INTU: variants seen among roughly 807,000 people sequenced by gnomAD.
INTU encodes inturned planar cell polarity protein.
In INTU, 68 loss-of-function variants were observed where a neutral mutation model predicts 100.5. That is an observed-to-expected ratio of 0.68 (90% CI 0.56 to 0.83). The LOEUF (loss-of-function observed/expected upper bound fraction) is 0.83. Among genes scored for constraint, INTU ranks in the 40% least tolerant of loss-of-function variants. The pLI, the probability that INTU is intolerant of heterozygous loss-of-function variation, is 0.00. For synonymous variants in INTU, 357 were observed against 395.7 expected (o/e 0.90, Z 1.16); for missense variants, 1,071 against 1,114.7 (o/e 0.96, Z 0.56).
At chr4:127,646,871 A>G (rs2126181686) in intron 2 of INTU, among the ~76,000 whole-genome samples, 1 of 152,356 alleles carries the variant, frequency 6.6e-6, no homozygotes, top group East Asian at 1.9e-4. Context: ...ATTGGCAGAA[A>G]ACATTGAGTT....
In INTU at chr4:127,633,184, A is replaced by C; in HGVS notation, c.146+4A>C. ...CCTCAGCGAGTAGCGATTATGAGTA[A>C]GGTTTTCAAAGAGGGACAATTAATC... On this transcript the variant is annotated splice_donor_region_variant and intron_variant, in intron 1 of 15. Transcript: ENST00000335251. 6.2e-7 allele frequency: 1 copy of C among 1,611,880 alleles called. No homozygotes were observed.
chr4:127,696,655 C>T (rs184291005), intron 8 of INTU, among the ~76,000 whole-genome samples: 93 of 151,480 alleles, frequency 6.1e-4, no homozygotes, highest in African/African-American at 1.9e-3. Context: ...TTTTTCTCTA[C>T]GGCTTTCCTA....
intron 2 of INTU, among the ~76,000 whole-genome samples, chr4:127,645,810 C>CGCCT (rs1184432512): frequency 6.6e-6 from 1 of 151,984 alleles, no homozygotes; most frequent in Non-Finnish European, 1.5e-5. Context: ...GTGATCCACC[C>CGCCT]GCCTCAGCCT....
chr4:127,698,173 C>G (rs1488915824), intron 8 of INTU, among the ~76,000 whole-genome samples: 1 of 151,928 alleles, frequency 6.6e-6, no homozygotes, highest in Non-Finnish European at 1.5e-5. Flanking sequence ...TGGCTCACAC[C>G]TGTAATCCCA....
intron 6 of INTU, chr4:127,683,853 TA>T (rs1288040424): frequency 6.6e-6 from 1 of 152,176 alleles, no homozygotes; most frequent in Non-Finnish European, 1.5e-5. Flanking sequence ...ATAATGGGAA[TA>T]ATAAGAGCTA....
rs1459045799 is a variant in INTU, at chr4:127,726,428, G to T, written c.*9992G>T. 1 of 152,122 alleles carries T rather than the reference G, an allele frequency of 6.6e-6. No homozygotes were observed. The highest frequency in any genetic ancestry group is 1.5e-5 in the Non-Finnish European group (1 of 68,020). The allele number at this position is 152,122 out of a possible 1,614,324, so 9.4% of individuals were successfully genotyped here. ...TGCTATAAAAGTGTTAGCTACTACT[G>T]CTACCATTTATTATTATCATTATTA... On this transcript the variant is annotated 3_prime_UTR_variant, in exon 16 of 16. Transcript: ENST00000335251.
At chr4:127,647,616 A>C (rs1214123728) in intron 2 of INTU, among the ~76,000 whole-genome samples, 1 of 152,180 alleles carries the variant, frequency 6.6e-6, no homozygotes, top group African/African-American at 2.4e-5. Context: ...AGGGATTGAA[A>C]CATAGACATC....
At chr4:127,640,596 T>TATATATATATATAC (rs1560825830) in intron 1 of INTU, among the ~76,000 whole-genome samples, 2 of 39,864 alleles carry the variant, frequency 5.0e-5, no homozygotes, top group Non-Finnish European at 1.4e-4. Flanking sequence ...TATATACATA[T>TATATATATATATAC]ACATAAACAC....
chr4:127,693,108 A>T (rs1730225417), intron 8 of INTU, among the ~76,000 whole-genome samples: 1 of 151,910 alleles, frequency 6.6e-6, no homozygotes, highest in South Asian at 2.1e-4. Context: ...TTTTCTAGTT[A>T]TGTGAAGAAT....
intron 8 of INTU, among the ~76,000 whole-genome samples, chr4:127,697,096 G>T (rs944123202): frequency 5.3e-5 from 8 of 152,136 alleles, no homozygotes; most frequent in Admixed American, 5.2e-4. Context: ...GTAGTTACGT[G>T]AACTTAATCA....
intron 15 of INTU, among the ~76,000 whole-genome samples, chr4:127,714,708 ATTG>A: frequency 6.6e-6 from 1 of 152,056 alleles, no homozygotes; most frequent in South Asian, 2.1e-4. Flanking sequence ...TGACTCTTTT[ATTG>A]TTTATTTTCT....
intron 12 of INTU, 75 bp downstream of exon 12, chr4:127,707,044 A>T (rs765582502): frequency 4.9e-5 from 72 of 1,472,310 alleles, no homozygotes; most frequent in Non-Finnish European, 6.3e-5. Flanking sequence ...ATTGCAAGAC[A>T]TTTTTTTAGT....
At chr4:127,710,290 A>G (rs1731045821) in intron 13 of INTU, among the ~76,000 whole-genome samples, 2 of 152,204 alleles carry the variant, frequency 1.3e-5, no homozygotes, top group African/African-American at 4.8e-5. Context: ...GATATAAAAC[A>G]GGATGTAATA....
At position 127,713,965 on chromosome 4, in the gene INTU, T is replaced by G. The variant is rs776133619; in HGVS notation, c.2589T>G (p.His863Gln). Residue 863 changes from histidine to glutamine, a missense_variant, in exon 15 of 16, where the codon CAT becomes CAG. Transcript: ENST00000335251. ...AGAAAGGACTAAATAGTGGAGACCA[T>G]TCAGATTCTGCAAAGTCAGTGTCTT... The part of the protein sequence containing the change: ...EKKKGLNSGD[H>Q]SDSAKSVSSL... 1 of 1,611,582 alleles carries G rather than the reference T, an allele frequency of 6.2e-7. No homozygotes were observed. Among genetic ancestry groups the G allele is most frequent in the Non-Finnish European group, 8.5e-7 (1 of 1,178,092 alleles).
intron 14 of INTU, among the ~76,000 whole-genome samples, chr4:127,712,984 T>G (rs1731146763): frequency 1.3e-5 from 2 of 151,936 alleles, no homozygotes; most frequent in African/African-American, 4.8e-5. Context: ...GCTGGGAGAG[T>G]ACTGGAGCAA....
At chr4:127,714,752 AT>A (rs1485539891) in intron 15 of INTU, among the ~76,000 whole-genome samples, 1 of 151,962 alleles carries the variant, frequency 6.6e-6, no homozygotes, top group African/African-American at 2.4e-5. Flanking sequence ...CCTCATTACA[AT>A]ATCAGCTTCA....
chr4:127,684,291 A>C, intron 6 of INTU, 118 bp from the exon 7 acceptor site: 2 of 632,422 alleles, frequency 3.2e-6, no homozygotes, highest in Non-Finnish European at 5.6e-6. Flanking sequence ...CTTTACTCAG[A>C]GTTGACACAC....
intron 1 of INTU, among the ~76,000 whole-genome samples, chr4:127,637,516 T>C (rs760801110): frequency 2.0e-5 from 3 of 152,222 alleles, no homozygotes. Context: ...ATACCCTTTC[T>C]TCCTATCTCT....
In INTU at chr4:127,705,601, T is replaced by TA. The variant is rs1730842102; in HGVS notation, c.1578dup (p.Cys527MetfsTer8). 6.2e-7 allele frequency: 1 copy of TA among 1,613,284 alleles called. No individual in the cohort carries two copies. Among genetic ancestry groups the TA allele is most frequent in the Non-Finnish European group, 8.5e-7 (1 of 1,179,380 alleles). On this transcript the variant is annotated frameshift_variant, in exon 11 of 16. Transcript: ENST00000335251. LOFTEE classifies it high-confidence loss of function. Reference sequence around the variant, plus strand: ...GTGGTTAAATTCAAGGGTTATTTGATATGCAGTCATTTGCCCAAGGATGAT... The same window carrying TA: ...GTGGTTAAATTCAAGGGTTATTTGATAATGCAGTCATTTGCCCAAGGATGAT...
Sources: allele counts gnomAD v4.1 joint callset (sites outside exome capture counted in the v4.1 genomes callset), GRCh38; gene constraint gnomAD v4.1.1; transcripts MANE v1.5; gene names NCBI Gene and HGNC (gene_info 2026-07-23, HGNC 2026-07-21).